The following FAM135B variants were observed in gnomAD, a reference collection of about 807,000 sequenced individuals.
The protein encoded by FAM135B is protein FAM135B.
In FAM135B, 43 loss-of-function variants were observed where a neutral mutation model predicts 127.7. The ratio of observed to expected loss-of-function variants is 0.34; its 90% CI spans 0.26 to 0.43. The LOEUF (loss-of-function observed/expected upper bound fraction) is 0.43, where lower values mean the gene tolerates loss of function less well. Among genes scored for constraint, FAM135B ranks in the 20% least tolerant of loss-of-function variants. The probability of loss-of-function intolerance (pLI) is 1.00; values close to 1 mark genes in which losing one functional copy is unlikely to be tolerated. For missense variants in FAM135B, 1,558 were observed against 1,725.6 expected (o/e 0.90, Z 1.72); for synonymous variants, 670 against 665.1 (o/e 1.01, Z -0.11).
chr8:138,178,251 GAA>G (rs112388247), intron 10 of FAM135B, among the ~76,000 whole-genome samples: 33,099 of 131,978 alleles, frequency 0.25, 4,238 homozygotes, highest in Middle Eastern at 0.35. Context: ...CCATCTCAAA[GAA>G]AAAAAAAAAA....
chr8:138,290,662 G>A (rs1825040231), intron 3 of FAM135B, among the ~76,000 whole-genome samples: 1 of 152,082 alleles, frequency 6.6e-6, no homozygotes, highest in African/African-American at 2.4e-5. Flanking sequence ...TAGCAGTGTT[G>A]GGTTATGGGA....
At chr8:138,469,581 C>T (rs1032537264) in intron 1 of FAM135B, among the ~76,000 whole-genome samples, 1 of 152,152 alleles carries the variant, frequency 6.6e-6, no homozygotes, top group African/African-American at 2.4e-5. Flanking sequence ...TGGGCTTATA[C>T]TGATACCAAG....
intron 2 of FAM135B, among the ~76,000 whole-genome samples, chr8:138,343,965 T>A (rs528492588): frequency 6.6e-6 from 1 of 152,206 alleles, no homozygotes; most frequent in East Asian, 1.9e-4. Flanking sequence ...CCAATGCAGA[T>A]CTTCGAGGCT....
intron 8 of FAM135B, among the ~76,000 whole-genome samples, chr8:138,196,264 C>T (rs1453174997): frequency 1.3e-5 from 2 of 152,194 alleles, no homozygotes; most frequent in Non-Finnish European, 1.5e-5. Flanking sequence ...TATATAAAGT[C>T]ACTCTGATTC....
rs1563734067 is a variant in FAM135B at position 138,178,566 on chromosome 8, G to T, written c.998C>A (p.Thr333Asn). ...GGTGTGGTGTTCCTGGGTGAGATAA[G>T]TGGTCACTTGGGAGTGCAGAGTGAC... Reference protein sequence around the residue: ...DTVTLHSQVTTYLTQEHHTLR... With the variant: ...DTVTLHSQVTNYLTQEHHTLR... Residue 333 changes from threonine to asparagine, a missense_variant, in exon 10 of 20, where the codon ACT becomes AAT. Around this residue, in one of 5 missense-constraint regions of FAM135B, gnomAD observed 115 missense variants for 171.1 expected, o/e 0.67. Coordinates refer to ENST00000395297, the MANE Select transcript of FAM135B (RefSeq NM_015912.4). 1.9e-6 allele frequency: 3 copies of T among 1,613,928 alleles called. No homozygotes were observed. Among genetic ancestry groups the T allele is most frequent in the Non-Finnish European group, 2.5e-6 (3 of 1,180,032 alleles).
rs74493901 is a variant in FAM135B at position 138,178,745 on chromosome 8, C to T, written c.874-55G>A. ...GCTCCTGACTCCATGAAGTCAGGAG[C>T]AGTCTTCTTCCTGAAGTCTTTACTG... On this transcript the variant is annotated intron_variant, in intron 9 of 19. Coordinates refer to ENST00000395297, the MANE Select transcript of FAM135B (RefSeq NM_015912.4). The T allele has an allele frequency of 4.1e-3, 6,269 of 1,539,752 alleles. 202 individuals carry two copies. In the African/African-American group the frequency reaches 0.076, roughly 19 times the overall value.
At chr8:138,352,505 T>C (rs1829843993) in intron 2 of FAM135B, among the ~76,000 whole-genome samples, 1 of 152,228 alleles carries the variant, frequency 6.6e-6, no homozygotes, top group African/African-American at 2.4e-5. Context: ...ACTTGGCTGA[T>C]GGACCTTGGG....
chr8:138,429,111 T>C lies in FAM135B; in HGVS notation c.-19-61109A>G, dbSNP rs1044766462. ...TATGGACAAAAAATATGGGTATCTT[T>C]AAAAGAGTATAACGGGGCATTGGAT... On this transcript the variant is annotated intron_variant, in intron 1 of 19. Transcript: ENST00000395297. Among the ~76,000 whole-genome samples the C allele has an allele frequency of 1.1e-4, 17 of 152,306 alleles. No individual in the cohort carries two copies. The South Asian group carries it at 3.5e-3, about 32-fold the overall frequency.
At chr8:138,492,066 G>A (rs1815225633) in intron 1 of FAM135B, among the ~76,000 whole-genome samples, 1 of 152,216 alleles carries the variant, frequency 6.6e-6, no homozygotes, top group South Asian at 2.1e-4. Context: ...TGAGCAAAGA[G>A]TTTAATCTGA....
At chr8:138,399,110 T>G (rs74727454) in intron 1 of FAM135B, among the ~76,000 whole-genome samples, 5,912 of 152,290 alleles carry the variant, frequency 0.039, 384 homozygotes, top group African/African-American at 0.13. Flanking sequence ...CTCATAGCAT[T>G]GCATCATTCT....
At chr8:138,398,178 C>T (rs937732956) in intron 1 of FAM135B, among the ~76,000 whole-genome samples, 2 of 152,146 alleles carry the variant, frequency 1.3e-5, no homozygotes, top group African/African-American at 4.8e-5. Context: ...GCACCACCAC[C>T]CAGCACCCAT....
chr8:138,471,838 C>A (rs1308912722), intron 1 of FAM135B, among the ~76,000 whole-genome samples: 1 of 151,842 alleles, frequency 6.6e-6, no homozygotes, highest in African/African-American at 2.4e-5. Context: ...ATAACGTACA[C>A]CACAATGAAA....
chr8:138,405,046 C>T (rs1404870490), intron 1 of FAM135B, among the ~76,000 whole-genome samples: 2 of 152,124 alleles, frequency 1.3e-5, no homozygotes, highest in Non-Finnish European at 2.9e-5. Context: ...GCTATAGCCT[C>T]ACTAAATGTA....
intron 9 of FAM135B, among the ~76,000 whole-genome samples, chr8:138,193,145 G>A (rs1327424251): frequency 6.6e-6 from 1 of 152,222 alleles, no homozygotes; most frequent in East Asian, 1.9e-4. Flanking sequence ...CCGCACAGCT[G>A]GGGCTCTGGA....
chr8:138,484,434 A>G (rs1814909239), intron 1 of FAM135B, among the ~76,000 whole-genome samples: 1 of 152,220 alleles, frequency 6.6e-6, no homozygotes, highest in East Asian at 1.9e-4. Flanking sequence ...CCGGGAAGGA[A>G]TAAGTTTTGA....
At chr8:138,391,357 C>G (rs1177478198) in intron 1 of FAM135B, among the ~76,000 whole-genome samples, 1 of 151,926 alleles carries the variant, frequency 6.6e-6, no homozygotes, top group Non-Finnish European at 1.5e-5. Context: ...CCAGCATGAT[C>G]TCCCCTCAGT....
intron 3 of FAM135B, among the ~76,000 whole-genome samples, chr8:138,287,466 C>A (rs991064): frequency 7.6e-5 from 11 of 144,818 alleles, no homozygotes; most frequent in Admixed American, 2.8e-4. Flanking sequence ...TTTTTTTTTT[C>A]AAATCTGCAT....
chr8:138,178,821 T>G, intron 9 of FAM135B, 131 bp from the exon 10 acceptor site: 1 of 699,492 alleles, frequency 1.4e-6, no homozygotes, highest in Non-Finnish European at 2.4e-6. Flanking sequence ...ATCTGTAGTA[T>G]TATATATTAC....
At chr8:138,408,096 G>A (rs1026667562) in intron 1 of FAM135B, among the ~76,000 whole-genome samples, 4 of 152,136 alleles carry the variant, frequency 2.6e-5, no homozygotes, top group African/African-American at 7.2e-5. Context: ...TTTTTGGAAC[G>A]GGAAATGAAT....
Sources: allele counts gnomAD v4.1 joint callset (sites outside exome capture counted in the v4.1 genomes callset), GRCh38; gene constraint gnomAD v4.1.1; regional missense constraint gnomAD v4.1.1; transcripts MANE v1.5; gene names NCBI Gene and HGNC (gene_info 2026-07-23, HGNC 2026-07-21).